Variants in GPC5 observed in about 807,000 individuals in gnomAD.
GPC5 encodes the protein glypican 5.
A neutral mutation model predicts 53.9 loss-of-function variants in GPC5; 47 were observed. The ratio of observed to expected loss-of-function variants is 0.87; its 90% CI spans 0.69 to 1.11. The LOEUF is 1.11. GPC5 is among the 50% of genes most tolerant of loss of function. The pLI, the probability that GPC5 is intolerant of heterozygous loss-of-function variation, is 0.00. For synonymous variants in GPC5, 286 were observed against 263.3 expected (o/e 1.09, Z -0.84); for missense variants, 748 against 713.1 (o/e 1.05, Z -0.56).
chr13:92,237,511 C>A (rs1274069069), intron 7 of GPC5, among the ~76,000 whole-genome samples: 1 of 152,096 alleles, frequency 6.6e-6, no homozygotes, highest in Non-Finnish European at 1.5e-5. Flanking sequence ...AGCCACCACA[C>A]CCTGACAGTC....
chr13:91,561,457 T>C (rs1392291392), intron 2 of GPC5, among the ~76,000 whole-genome samples: 1 of 152,194 alleles, frequency 6.6e-6, no homozygotes, highest in Non-Finnish European at 1.5e-5. Flanking sequence ...TTAACCTGTT[T>C]GGTCTGTGCA....
At chr13:91,436,203 C>T (rs1879935148) in intron 1 of GPC5, among the ~76,000 whole-genome samples, 1 of 151,990 alleles carries the variant, frequency 6.6e-6, no homozygotes, top group African/African-American at 2.4e-5. Context: ...CTGCTCTGAT[C>T]TTAGTTATTT....
chr13:92,851,199 C>T (rs1233683951), intron 7 of GPC5, among the ~76,000 whole-genome samples: 1 of 152,146 alleles, frequency 6.6e-6, no homozygotes, highest in Non-Finnish European at 1.5e-5. Flanking sequence ...CCCCATGATC[C>T]AATCACCTCC....
chr13:91,978,767 G>T (rs542510981), intron 6 of GPC5, among the ~76,000 whole-genome samples: 2 of 152,184 alleles, frequency 1.3e-5, no homozygotes, highest in Admixed American at 6.5e-5. Context: ...TTAATAAAAA[G>T]ATTATCTGAT....
intron 6 of GPC5, among the ~76,000 whole-genome samples, chr13:92,117,687 G>A (rs993525936): frequency 3.3e-5 from 5 of 152,040 alleles, no homozygotes; most frequent in Admixed American, 6.6e-5. Context: ...AATACCAATT[G>A]TGCACATATT....
chr13:91,658,859 G>A (rs1472758241), intron 2 of GPC5, among the ~76,000 whole-genome samples: 1 of 152,002 alleles, frequency 6.6e-6, no homozygotes, highest in Non-Finnish European at 1.5e-5. Flanking sequence ...CCTGCCTTCT[G>A]CTCTGATCTT....
chr13:92,372,030 C>T (rs1375880281), intron 7 of GPC5, among the ~76,000 whole-genome samples: 1 of 152,112 alleles, frequency 6.6e-6, no homozygotes, highest in Non-Finnish European at 1.5e-5. Flanking sequence ...GACCGCAGTC[C>T]TACAATCACA....
chr13:92,629,224 T>G (rs1414189878), intron 7 of GPC5, among the ~76,000 whole-genome samples: 1 of 152,218 alleles, frequency 6.6e-6, no homozygotes, highest in Non-Finnish European at 1.5e-5. Flanking sequence ...TCCTTTCCAG[T>G]TAAACAAAGG....
Position 91,448,872 on chromosome 13 carries a change from C to A in GPC5, c.275C>A (p.Ser92Tyr), listed in dbSNP as rs933328176. The A allele has an allele frequency of 6.2e-7, 1 of 1,613,604 alleles. No individual in the cohort carries two copies. The highest frequency in any genetic ancestry group is 8.5e-7 in the Non-Finnish European group (1 of 1,179,722). The change falls in exon 2 of 8, where the codon TCC becomes TAC. Residue 92 changes from serine to tyrosine, a missense_variant. Coordinates refer to ENST00000377067, the MANE Select transcript of GPC5 (RefSeq NM_004466.6). ...RQDMQQFLQT[S>Y]SSTLKFLISR... ...GATATGCAGCAGTTTCTTCAAACGT[C>A]CAGCTCTACATTAAAGTTTCTAATA...
chr13:92,787,667 CAAAAAAA>C (rs71202562), intron 7 of GPC5, among the ~76,000 whole-genome samples: 6 of 56,264 alleles, frequency 1.1e-4, no homozygotes, highest in African/African-American at 2.8e-4. Flanking sequence ...CTCATAGCTA[CAAAAAAA>C]AAAAAAAAAG....
intron 2 of GPC5, among the ~76,000 whole-genome samples, chr13:91,499,397 T>C (rs780247667): frequency 2.2e-4 from 33 of 152,102 alleles, no homozygotes; most frequent in Admixed American, 1.2e-3. Context: ...ATGGAGAAAG[T>C]CAAGGATAAA....
intron 2 of GPC5, among the ~76,000 whole-genome samples, chr13:91,488,963 A>T (rs188581732): frequency 1.3e-5 from 2 of 152,218 alleles, no homozygotes; most frequent in African/African-American, 2.4e-5. Context: ...TTATGGTCGT[A>T]GCTGTGGGAT....
chr13:92,171,777 C>G (rs1382398090), intron 7 of GPC5, among the ~76,000 whole-genome samples: 2 of 152,184 alleles, frequency 1.3e-5, no homozygotes, highest in African/African-American at 4.8e-5. Flanking sequence ...CTGTATGTCT[C>G]TAACCCAAAT....
intron 7 of GPC5, among the ~76,000 whole-genome samples, chr13:92,540,209 A>T (rs1473560208): frequency 6.6e-6 from 1 of 152,012 alleles, no homozygotes; most frequent in Non-Finnish European, 1.5e-5. Flanking sequence ...TATCATGAAT[A>T]ATGTGGCAAC....
Position 91,938,001 on chromosome 13 carries a change from G to A in GPC5, c.1401+29944G>A, listed in dbSNP as rs145937120. On this transcript the variant is annotated intron_variant, in intron 6 of 7. Transcript: ENST00000377067. Reference sequence around the variant, plus strand: ...AATATTTTATGAACTGAGAATTCATGAGACCATTTTCAAGTACAATGGGAA... The same window carrying A: ...AATATTTTATGAACTGAGAATTCATAAGACCATTTTCAAGTACAATGGGAA... Among the ~76,000 whole-genome samples the A allele has an allele frequency of 1.4e-4, 22 of 152,162 alleles. No homozygotes were observed. In the East Asian group the frequency reaches 4.3e-3, roughly 29 times the overall value.
intron 6 of GPC5, among the ~76,000 whole-genome samples, chr13:91,986,350 C>T (rs1220443767): frequency 6.6e-6 from 1 of 152,152 alleles, no homozygotes; most frequent in Non-Finnish European, 1.5e-5. Context: ...CAGGCGTCAG[C>T]CACCACGCCC....
chr13:92,522,831 TTC>T (rs1204605993), intron 7 of GPC5, among the ~76,000 whole-genome samples: 3 of 152,130 alleles, frequency 2.0e-5, no homozygotes, highest in African/African-American at 7.2e-5. Flanking sequence ...ATTTGCTAAA[TTC>T]TGTTTTAAAA....
intron 2 of GPC5, among the ~76,000 whole-genome samples, chr13:91,657,835 T>C (rs2034885260): frequency 6.6e-6 from 1 of 152,260 alleles, no homozygotes; most frequent in South Asian, 2.1e-4. Flanking sequence ...AAGACTCAGT[T>C]ACGCATACAT....
chr13:92,105,834 AT>A (rs1469548595), intron 6 of GPC5, among the ~76,000 whole-genome samples: 2 of 152,046 alleles, frequency 1.3e-5, no homozygotes, highest in African/African-American at 2.4e-5. Context: ...TATTTGTAAG[AT>A]CTGGCACATT....
Sources: gnomAD v4.1 joint callset for allele counts (sites outside exome capture counted in the v4.1 genomes callset) on GRCh38, gnomAD v4.1.1 for gene constraint, MANE v1.5 for transcripts, NCBI Gene and HGNC (gene_info 2026-07-23, HGNC 2026-07-21) for gene names.